IL1RAPL1: variants seen among roughly 807,000 people sequenced by gnomAD.
The protein encoded by IL1RAPL1 is interleukin 1 receptor accessory protein like 1, also known as interleukin-1 receptor accessory protein-like 1.
Under a neutral mutation model 48.4 loss-of-function variants are expected in IL1RAPL1, and 3 were observed. That is an observed-to-expected ratio of 0.06 (90% confidence interval 0.03 to 0.16). IL1RAPL1 has a LOEUF of 0.16. Among genes scored for constraint, IL1RAPL1 ranks in the 10% least tolerant of loss-of-function variants. The pLI is 1.00. For synonymous variants in IL1RAPL1, 185 were observed against 187.7 expected (o/e 0.99, Z 0.12); for missense variants, 349 against 530.6 (o/e 0.66, Z 3.36).
chrX:28,704,215 C>G (rs1482009199), intron 1 of IL1RAPL1, among the ~76,000 whole-genome samples: 1 of 111,209 alleles, frequency 9.0e-6, no homozygotes, highest in East Asian at 2.8e-4. Context: ...CAACTAATAT[C>G]ACTTGTACAT....
At chrX:29,221,469 T>C in intron 2 of IL1RAPL1, among the ~76,000 whole-genome samples, 1 of 111,212 alleles carries the variant, frequency 9.0e-6, no homozygotes, top group Middle Eastern at 4.7e-3. Flanking sequence ...CAGTGCATTT[T>C]TATATACCCC....
At chrX:29,719,287 G>T (rs73456411) in intron 6 of IL1RAPL1, among the ~76,000 whole-genome samples, 7,149 of 111,670 alleles carry the variant, frequency 0.064, 456 homozygotes, top group African/African-American at 0.19. Context: ...CACTACAGTT[G>T]TAGAAGAATC....
intron 5 of IL1RAPL1, among the ~76,000 whole-genome samples, chrX:29,564,973 C>T (rs1224069569): frequency 9.0e-6 from 1 of 111,103 alleles, no homozygotes; most frequent in Non-Finnish European, 1.9e-5. Flanking sequence ...GCCCCTTTTT[C>T]CATCTTCCAA....
intron 5 of IL1RAPL1, among the ~76,000 whole-genome samples, chrX:29,488,395 G>A (rs1935119387): frequency 1.8e-5 from 2 of 112,230 alleles, no homozygotes; most frequent in Non-Finnish European, 1.9e-5. Flanking sequence ...CTGAGATCAT[G>A]CTACTGCACT....
At chrX:28,817,520 T>C (rs1378500813) in intron 2 of IL1RAPL1, among the ~76,000 whole-genome samples, 1 of 111,346 alleles carries the variant, frequency 9.0e-6, no homozygotes, top group East Asian at 2.8e-4. Flanking sequence ...TAATGCATAA[T>C]GTGCTTAGAG....
intron 6 of IL1RAPL1, among the ~76,000 whole-genome samples, chrX:29,815,260 C>T (rs903215947): frequency 9.0e-6 from 1 of 111,405 alleles, no homozygotes; most frequent in Non-Finnish European, 1.9e-5. Flanking sequence ...TGTATTTCAG[C>T]AGTGTTTTGT....
chrX:29,605,219 A>T (rs1923857200), intron 5 of IL1RAPL1, among the ~76,000 whole-genome samples: 1 of 110,392 alleles, frequency 9.1e-6, no homozygotes, highest in Admixed American at 9.7e-5. Flanking sequence ...AAAGGACATG[A>T]TGCCTGGAGA....
Position 28,660,315 on chromosome X carries a change from TTCTTC to T in IL1RAPL1, c.-25+72273_-25+72277del, listed in dbSNP as rs746887815. 2.3e-3 allele frequency among the ~76,000 whole-genome samples: 261 copies of T among 111,220 alleles called. 1 individual carries two copies. The highest frequency in any genetic ancestry group is 0.019 in the Middle Eastern group (4 of 213). On this transcript the variant is annotated intron_variant, in intron 1 of 10. Coordinates refer to ENST00000378993, the MANE Select transcript of IL1RAPL1 (RefSeq NM_014271.4). ...TGTAAGAGTTATTTGTTACACCTGT[TTCTTC>T]TCTTTTTTATCCTCCACTCTTGTCA...
At chrX:29,305,931 T>C (rs2093213166) in intron 3 of IL1RAPL1, among the ~76,000 whole-genome samples, 1 of 112,404 alleles carries the variant, frequency 8.9e-6, no homozygotes, top group South Asian at 3.7e-4. Flanking sequence ...TGTATGTATA[T>C]GAGTGTGTTG....
At chrX:28,747,406 C>T (rs995774570) in intron 1 of IL1RAPL1, among the ~76,000 whole-genome samples, 7 of 111,025 alleles carry the variant, frequency 6.3e-5, no homozygotes, top group South Asian at 3.8e-4. Flanking sequence ...GAGGCTGAGG[C>T]GGGCGGATCA....
At chrX:29,515,990 C>A (rs898714238) in intron 5 of IL1RAPL1, among the ~76,000 whole-genome samples, 11 of 111,866 alleles carry the variant, frequency 9.8e-5, no homozygotes, top group Admixed American at 9.5e-4. Context: ...CTGGCCAAAT[C>A]AATTAATTTT....
intron 5 of IL1RAPL1, among the ~76,000 whole-genome samples, chrX:29,622,006 T>G (rs1253230649): frequency 8.9e-6 from 1 of 112,335 alleles, no homozygotes; most frequent in African/African-American, 3.2e-5. Flanking sequence ...GGTGAGAACA[T>G]TCAATATTTG....
At chrX:29,631,809 A>G (rs1051484915) in intron 5 of IL1RAPL1, among the ~76,000 whole-genome samples, 6 of 110,967 alleles carry the variant, frequency 5.4e-5, no homozygotes, top group African/African-American at 1.6e-4. Context: ...AATAATAATA[A>G]TAAAATAGTT....
chrX:29,424,850 G>C (rs975807426), intron 5 of IL1RAPL1, among the ~76,000 whole-genome samples: 1 of 111,709 alleles, frequency 9.0e-6, no homozygotes, highest in Admixed American at 9.5e-5. Flanking sequence ...CATTATGAAG[G>C]AACGCACTAA....
At chrX:29,603,854 T>C (rs939811655) in intron 5 of IL1RAPL1, among the ~76,000 whole-genome samples, 1 of 112,702 alleles carries the variant, frequency 8.9e-6, no homozygotes, top group Non-Finnish European at 1.9e-5. Context: ...ATAGAGTATA[T>C]GTCATTTATT....
At chrX:29,915,887 T>C (rs756283747) in intron 6 of IL1RAPL1, among the ~76,000 whole-genome samples, 7 of 57,169 alleles carry the variant, frequency 1.2e-4, no homozygotes, top group South Asian at 2.3e-3. Context: ...CTCCCAATGC[T>C]ATCCCTCCCC....
chrX:29,052,947 G>T (rs181056200), intron 2 of IL1RAPL1, among the ~76,000 whole-genome samples: 6 of 111,638 alleles, frequency 5.4e-5, no homozygotes, highest in Non-Finnish European at 1.1e-4. Context: ...TGTCATGGGG[G>T]TTTGTTGTAC....
intron 2 of IL1RAPL1, among the ~76,000 whole-genome samples, chrX:29,008,148 T>C (rs893534975): frequency 1.8e-5 from 2 of 109,536 alleles, no homozygotes; most frequent in Non-Finnish European, 3.8e-5. Context: ...ATTACAGGTG[T>C]GCAGCACCAG....
intron 5 of IL1RAPL1, among the ~76,000 whole-genome samples, chrX:29,605,167 G>T (rs748801679): frequency 9.1e-6 from 1 of 109,912 alleles, no homozygotes; most frequent in East Asian, 2.9e-4. Context: ...GAGAGAGACA[G>T]AGAGAAAGAG....
Sources: gnomAD v4.1 joint callset for allele counts (sites outside exome capture counted in the v4.1 genomes callset) on GRCh38, gnomAD v4.1.1 for gene constraint, MANE v1.5 for transcripts, NCBI Gene and HGNC (gene_info 2026-07-23, HGNC 2026-07-21) for gene names.